PHF13: variants seen among roughly 807,000 people sequenced by gnomAD.
PHF13 encodes the protein PHD finger protein 13.
Under a neutral mutation model 25.8 loss-of-function variants are expected in PHF13, and 1 was observed. The ratio of observed to expected loss-of-function variants is 0.04; its 90% CI spans 0.01 to 0.18. The LOEUF (loss-of-function observed/expected upper bound fraction) is 0.18, where lower values mean the gene tolerates loss of function less well. Among genes scored for constraint, PHF13 ranks in the 10% least tolerant of loss-of-function variants. The pLI is 1.00. For missense variants in PHF13, 306 were observed against 403.2 expected (o/e 0.76, Z 2.06); for synonymous variants, 195 against 162.4 (o/e 1.20, Z -1.53).
intron 1 of PHF13, among the ~76,000 whole-genome samples, chr1:6,615,064 C>T (rs1221509476): frequency 1.8e-5 from 2 of 109,158 alleles, no homozygotes; most frequent in African/African-American, 3.4e-5. Flanking sequence ...CCGAGTGTCG[C>T]GGGGGGCGGC....
rs1389135624 is a variant in PHF13, at chr1:6,616,743, T to A, written c.40-14T>A. The A allele has an allele frequency of 6.2e-7, 1 of 1,606,972 alleles. No individual in the cohort carries two copies. The highest frequency in any genetic ancestry group is 2.2e-5 in the East Asian group (1 of 44,846). ...TCTCCTTCAAACACATTCCCTTTTC[T>A]CTCCCCTTAATAGGAATACTCCCCC... On this transcript the variant is annotated splice_polypyrimidine_tract_variant and intron_variant, in intron 1 of 3. Transcript: ENST00000377648.
In PHF13 at chr1:6,613,748, A is replaced by C; in HGVS notation, c.-319A>C. 5.8e-6 allele frequency: 1 copy of C among 171,104 alleles called. No individual in the cohort carries two copies. The highest frequency in any genetic ancestry group is 1.2e-5 in the Non-Finnish European group (1 of 84,250). 10.6% of individuals were successfully genotyped at this position (171,104 alleles called of 1,614,324 possible). On this transcript the variant is annotated 5_prime_UTR_variant, in exon 1 of 4. Transcript: ENST00000377648. ...GCTCTCCCGCCCTCCCTCCCGAGAC[A>C]CGAGCCGAACTGGGCGTCAGGTCGG...
In PHF13 at chr1:6,623,789, C is replaced by T. The variant is rs1641386976; in HGVS notation, c.*2152C>T. 6.6e-6 allele frequency: 1 copy of T among 152,650 alleles called. No individual in the cohort carries two copies. The highest frequency in any genetic ancestry group is 1.5e-5 in the Non-Finnish European group (1 of 68,046). 9.5% of individuals were successfully genotyped at this position (152,650 alleles called of 1,614,324 possible). ...TATATGCAAATTAGGCACGACCCAT[C>T]TGTGGTTCCTGGTTGGTGGCTAATG... is the stretch of plus-strand genomic sequence containing the variant. On this transcript the variant is annotated 3_prime_UTR_variant, in exon 4 of 4. Coordinates refer to ENST00000377648, the MANE Select transcript of PHF13 (RefSeq NM_153812.3).
intron 1 of PHF13, among the ~76,000 whole-genome samples, chr1:6,615,128 G>T (rs1024433996): frequency 4.7e-4 from 71 of 150,700 alleles, no homozygotes; most frequent in Admixed American, 7.9e-4. Flanking sequence ...CGAGGAGGCG[G>T]CCGGGGGGGC....
chr1:6,614,012 C>A lies in PHF13; in HGVS notation c.-55C>A. The A allele has an allele frequency of 1.4e-6, 2 of 1,473,060 alleles. No homozygotes were observed. Among genetic ancestry groups the A allele is most frequent in the East Asian group, 2.5e-5 (1 of 39,548 alleles). The allele number at this position is 1,473,060 out of a possible 1,614,324, so 91.2% of individuals were successfully genotyped here. A position where few individuals can be genotyped will look rare whatever the true frequency, so the allele number is the denominator to read the frequency against. On this transcript the variant is annotated 5_prime_UTR_variant, in exon 1 of 4. Coordinates refer to ENST00000377648, the MANE Select transcript of PHF13 (RefSeq NM_153812.3). ...GAGCCCCCAGCCCCGGGCGGCCCCG[C>A]TCCAGCATCCCAGCTCCTGCACTCT... is the stretch of plus-strand genomic sequence containing the variant.
At position 6,623,383 on chromosome 1, in the gene PHF13, T is replaced by G. The variant is rs1418228230; in HGVS notation, c.*1746T>G. 2.0e-5 allele frequency: 3 copies of G among 152,652 alleles called. No individual in the cohort carries two copies. Among genetic ancestry groups the G allele is most frequent in the Non-Finnish European group, 4.4e-5 (3 of 68,048 alleles). The allele number at this position is 152,652 out of a possible 1,614,324, so 9.5% of individuals were successfully genotyped here. A position where few individuals can be genotyped will look rare whatever the true frequency, so the allele number is the denominator to read the frequency against. On this transcript the variant is annotated 3_prime_UTR_variant, in exon 4 of 4. Coordinates refer to ENST00000377648, the MANE Select transcript of PHF13 (RefSeq NM_153812.3). ...AAAAATAGTAAGCTGGTTTAGAAAC[T>G]GACGAGGGCAAACAGCCAGGACGCA... is the stretch of plus-strand genomic sequence containing the variant.
In PHF13 at chr1:6,613,804, C is replaced by T. The variant is rs960168097; in HGVS notation, c.-263C>T. 3 of 409,710 alleles carry T rather than the reference C, an allele frequency of 7.3e-6. No individual in the cohort carries two copies. Among genetic ancestry groups the T allele is most frequent in the African/African-American group, 2.1e-5 (1 of 46,764 alleles). 25.4% of individuals were successfully genotyped at this position (409,710 alleles called of 1,614,324 possible). A position where few individuals can be genotyped will look rare whatever the true frequency, so the allele number is the denominator to read the frequency against. On this transcript the variant is annotated 5_prime_UTR_variant, in exon 1 of 4. Coordinates refer to ENST00000377648, the MANE Select transcript of PHF13 (RefSeq NM_153812.3). ...CGGTCGGGTTCCCGCTCACCGCCGC[C>T]GCCGCCGCCCCCTGCAGCCACTCTC...
chr1:6,615,565 G>A (rs1172207014), intron 1 of PHF13, among the ~76,000 whole-genome samples: 1 of 152,168 alleles, frequency 6.6e-6, no homozygotes, highest in Non-Finnish European at 1.5e-5. Context: ...TTCCCCACCG[G>A]CTCTCCCCCA....
chr1:6,615,769 T>C (rs1477235736), intron 1 of PHF13, among the ~76,000 whole-genome samples: 1 of 152,214 alleles, frequency 6.6e-6, no homozygotes, highest in Non-Finnish European at 1.5e-5. Context: ...TGGGTGTTTC[T>C]AGATGGAATG....
rs1457036795 is a variant in PHF13 at position 6,621,225 on chromosome 1, T to A, written c.677-186T>A. Among the ~76,000 whole-genome samples, 2 of 151,478 alleles carry A rather than the reference T, an allele frequency of 1.3e-5. No homozygotes were observed. The highest frequency in any genetic ancestry group is 2.9e-5 in the Non-Finnish European group (2 of 67,898). On this transcript the variant is annotated intron_variant, in intron 3 of 3. Coordinates refer to ENST00000377648, the MANE Select transcript of PHF13 (RefSeq NM_153812.3). The surrounding 1 kb of genome is among the most constrained non-coding windows in gnomAD (Gnocchi z 4.8). Reference sequence around the variant, plus strand: ...GGAAAAAAAAAAAAAAGTAAGCATCTCCTGGGTAATACCTGGTTCCCACAC... The same window carrying A: ...GGAAAAAAAAAAAAAAGTAAGCATCACCTGGGTAATACCTGGTTCCCACAC...
At position 6,619,960 on chromosome 1, in the gene PHF13, G is replaced by A. The variant is rs752759806; in HGVS notation, c.299G>A (p.Arg100Gln). 10 of 1,613,732 alleles carry A rather than the reference G, an allele frequency of 6.2e-6. No individual in the cohort carries two copies. The highest frequency in any genetic ancestry group is 1.3e-5 in the African/African-American group (1 of 74,838). ...CACCTGCAGCCTACTCTCTTGCAGC[G>A]AGCCAAGCCCAGTAACTTCCTGCTG... ...FSHLQPTLLQ[R>Q]AKPSNFLLDR... Residue 100 changes from arginine to glutamine, a missense_variant, in exon 3 of 4, where the codon CGA (arginine) becomes CAA (glutamine). By Grantham distance (43) the Arg-to-Gln change is conservative. This residue lies in a region of PHF13 where 186 missense variants were observed against 164.0 expected (regional missense o/e 1.13). Transcript: ENST00000377648.
chr1:6,614,480 G>A (rs1457778800), intron 1 of PHF13: 3 of 222,494 alleles, frequency 1.3e-5, no homozygotes, highest in Non-Finnish European at 2.7e-5. Flanking sequence ...CGCGGTCCGA[G>A]CCGCCGCCCG....
At position 6,623,014 on chromosome 1, in the gene PHF13, C is replaced by T. The variant is rs1312293075; in HGVS notation, c.*1377C>T. 1 of 152,244 alleles carries T rather than the reference C, an allele frequency of 6.6e-6. No homozygotes were observed. The highest frequency in any genetic ancestry group is 1.5e-5 in the Non-Finnish European group (1 of 68,042). The allele number at this position is 152,244 out of a possible 1,614,324, so 9.4% of individuals were successfully genotyped here. A position where few individuals can be genotyped will look rare whatever the true frequency, so the allele number is the denominator to read the frequency against. On this transcript the variant is annotated 3_prime_UTR_variant, in exon 4 of 4. Coordinates refer to ENST00000377648, the MANE Select transcript of PHF13 (RefSeq NM_153812.3). Reference sequence around the variant, plus strand: ...TAATTGATTGGTAGGTTTTCATAAGCATTGTTTCTTTAAGGCATGGAAAGG... The same window carrying T: ...TAATTGATTGGTAGGTTTTCATAAGTATTGTTTCTTTAAGGCATGGAAAGG...
At chr1:6,614,250 C>T (rs1448484700) in intron 1 of PHF13, 145 bp downstream of exon 1, 2 of 634,832 alleles carry the variant, frequency 3.2e-6, no homozygotes, top group East Asian at 3.2e-5. Context: ...GAGCCCAACC[C>T]CCGCCCCCTG....
Position 6,622,084 on chromosome 1 carries a change from T to C in PHF13, c.*447T>C, listed in dbSNP as rs1641347620. 4 of 225,478 alleles carry C rather than the reference T, an allele frequency of 1.8e-5. No homozygotes were observed. The highest frequency in any genetic ancestry group is 3.8e-3 in the Middle Eastern group (2 of 524). 14.0% of individuals were successfully genotyped at this position (225,478 alleles called of 1,614,324 possible). ...AGCTTTTTCTTGAGTGTTAAGTCTT[T>C]TACCAAAAGTGTCTGTACAGCAGCC... On this transcript the variant is annotated 3_prime_UTR_variant, in exon 4 of 4. Coordinates refer to ENST00000377648, the MANE Select transcript of PHF13 (RefSeq NM_153812.3).
intron 3 of PHF13, among the ~76,000 whole-genome samples, chr1:6,620,553 C>T (rs1641323359): frequency 6.6e-6 from 1 of 152,142 alleles, no homozygotes; most frequent in South Asian, 2.1e-4. Context: ...ATTCTAAGAC[C>T]TTAGAACATA....
In PHF13 at chr1:6,614,051, GC is replaced by G. The variant is rs776420254; in HGVS notation, c.-10del. The G allele has an allele frequency of 3.2e-6, 5 of 1,566,012 alleles. No individual in the cohort carries two copies. In the East Asian group the frequency reaches 9.9e-5, roughly 31 times the overall value. Reference sequence around the variant, plus strand: ...CTCCTGCACTCTCGCAGCCGCCGCCGCCCCCCGCCCGGAACATGGACTCTGA... The same window carrying G: ...CTCCTGCACTCTCGCAGCCGCCGCCGCCCCCGCCCGGAACATGGACTCTGA... On this transcript the variant is annotated 5_prime_UTR_variant, in exon 1 of 4. Transcript: ENST00000377648.
Position 6,622,983 on chromosome 1 carries a change from A to G in PHF13, c.*1346A>G, listed in dbSNP as rs548805477. ...CAGTTCAAGTACTTGTTCTCAAAAC[A>G]TTTTCTAATTGATTGGTAGGTTTTC... is the stretch of plus-strand genomic sequence containing the variant. On this transcript the variant is annotated 3_prime_UTR_variant, in exon 4 of 4. Coordinates refer to ENST00000377648, the MANE Select transcript of PHF13 (RefSeq NM_153812.3). 3.3e-5 allele frequency: 5 copies of G among 152,328 alleles called. No homozygotes were observed. The East Asian group carries it at 5.8e-4, about 18-fold the overall frequency. The allele number at this position is 152,328 out of a possible 1,614,324, so 9.4% of individuals were successfully genotyped here. A position where few individuals can be genotyped will look rare whatever the true frequency, so the allele number is the denominator to read the frequency against.
At position 6,619,990 on chromosome 1, in the gene PHF13, G is replaced by A. The variant is rs1244072181; in HGVS notation, c.329G>A (p.Arg110Lys). Residue 110 changes from arginine (R) to lysine (K), a missense_variant, in exon 3 of 4, where the codon AGA (arginine) becomes AAA (lysine). Arg to Lys is a conservative substitution (Grantham distance 26). Transcript: ENST00000377648. ...RAKPSNFLLDRKKTDKLKKKK... is the reference protein window; with the variant it reads ...RAKPSNFLLDKKKTDKLKKKK... Reference sequence around the variant, plus strand: ...AAGCCCAGTAACTTCCTGCTGGACAGAAAGAAAACGGACAAGCTGAAGAAG... The same window carrying A: ...AAGCCCAGTAACTTCCTGCTGGACAAAAAGAAAACGGACAAGCTGAAGAAG... The A allele has an allele frequency of 1.2e-6, 2 of 1,613,840 alleles. No homozygotes were observed. Among genetic ancestry groups the A allele is most frequent in the Admixed American group, 3.3e-5 (2 of 59,980 alleles).
Sources: gnomAD v4.1 joint callset for allele counts (sites outside exome capture counted in the v4.1 genomes callset) on GRCh38, gnomAD v4.1.1 for gene constraint, gnomAD v4.1.1 regional missense constraint, Gnocchi (gnomAD v3.1) non-coding constraint, MANE v1.5 for transcripts, NCBI Gene and HGNC (gene_info 2026-07-23, HGNC 2026-07-21) for gene names.